Variants in NTM observed in about 807,000 individuals in gnomAD.
The protein encoded by NTM is neurotrimin, also known as IgLON family member 2.
In NTM, 13 loss-of-function variants were observed where a neutral mutation model predicts 42.1. The observed-to-expected ratio is 0.31, with a 90% CI of 0.20 to 0.49. The LOEUF is 0.49. NTM is among the 20% of genes least tolerant of loss of function. The pLI is 0.99. For missense variants in NTM, 373 were observed against 452.8 expected (o/e 0.82, Z 1.60); for synonymous variants, 187 against 179.2 (o/e 1.04, Z -0.35).
rs539085612 is a variant in NTM at position 131,839,767 on chromosome 11, G to A, written c.83-71797G>A. ...GGGTGTGAGCAAATGCAGTTGTTGG[G>A]AAAACAGTATGGAAACTGTTGTATG... On this transcript the variant is annotated intron_variant, in intron 1 of 8. Coordinates refer to ENST00000683400, the MANE Select transcript of NTM (RefSeq NM_001352005.2). Among the ~76,000 whole-genome samples, 3 of 152,358 alleles carry A rather than the reference G, an allele frequency of 2.0e-5. No homozygotes were observed. The East Asian group carries it at 5.8e-4, about 29-fold the overall frequency.
chr11:131,848,350 T>A (rs1197984632), intron 1 of NTM, among the ~76,000 whole-genome samples: 2 of 152,344 alleles, frequency 1.3e-5, no homozygotes, highest in East Asian at 3.9e-4. Flanking sequence ...TATTAGATAG[T>A]TGATCCCGTT....
intron 4 of NTM, among the ~76,000 whole-genome samples, chr11:132,239,948 C>T (rs954532390): frequency 6.6e-6 from 1 of 152,072 alleles, no homozygotes; most frequent in African/African-American, 2.4e-5. Flanking sequence ...TTTATCCATC[C>T]ATTCATCCAT....
At chr11:131,702,579 A>C (rs2076183908) in intron 1 of NTM, among the ~76,000 whole-genome samples, 1 of 152,200 alleles carries the variant, frequency 6.6e-6, no homozygotes, top group African/African-American at 2.4e-5. Flanking sequence ...ATGGGATGAA[A>C]CAGAGAGCAG....
chr11:132,325,299 A>G (rs1181037953), intron 7 of NTM, among the ~76,000 whole-genome samples: 11 of 150,908 alleles, frequency 7.3e-5, no homozygotes, highest in Non-Finnish European at 1.5e-4. Context: ...TCCAGAATCT[A>G]CAATGAACTC....
At chr11:131,976,203 C>G (rs2064358944) in intron 2 of NTM, among the ~76,000 whole-genome samples, 1 of 143,914 alleles carries the variant, frequency 6.9e-6, no homozygotes, top group African/African-American at 2.6e-5. Flanking sequence ...TTTAACTCAG[C>G]TTTCAATAAG....
chr11:131,391,644 GA>G lies in NTM; in HGVS notation c.82+20775del, dbSNP rs5795723. 2.3e-3 allele frequency among the ~76,000 whole-genome samples: 187 copies of G among 81,564 alleles called. 1 individual carries two copies. Among genetic ancestry groups the G allele is most frequent in the Middle Eastern group, 0.019 (2 of 104 alleles). 53.5% of individuals were successfully genotyped at this position (81,564 alleles called of 152,430 possible). ...AATCAGTCAAATGACTTTTATCTGG[GA>G]AAAAAAAAAAAAAAAAAAGAAAAGA... On this transcript the variant is annotated intron_variant, in intron 1 of 8. Coordinates refer to ENST00000683400, the MANE Select transcript of NTM (RefSeq NM_001352005.2).
intron 2 of NTM, among the ~76,000 whole-genome samples, chr11:131,977,803 G>A (rs1394704631): frequency 2.0e-5 from 3 of 152,140 alleles, no homozygotes; most frequent in Non-Finnish European, 2.9e-5. Flanking sequence ...GGAAAAAAAA[G>A]GGAAACAAGT....
intron 2 of NTM, among the ~76,000 whole-genome samples, chr11:132,018,467 T>C (rs1409999153): frequency 1.3e-5 from 2 of 150,726 alleles, no homozygotes; most frequent in Non-Finnish European, 2.9e-5. Context: ...TAAAAATGTT[T>C]TTCTTTGTCT....
intron 4 of NTM, among the ~76,000 whole-genome samples, chr11:132,248,269 T>C (rs563521222): frequency 3.1e-4 from 47 of 152,194 alleles, no homozygotes; most frequent in Admixed American, 1.8e-3. Context: ...TCTGATCCCC[T>C]GAACTTTCCC....
chr11:132,176,083 T>G (rs2076767581), intron 3 of NTM, among the ~76,000 whole-genome samples: 1 of 152,216 alleles, frequency 6.6e-6, no homozygotes, highest in Admixed American at 6.5e-5. Flanking sequence ...AATTAATCCA[T>G]GAAAGAATTC....
chr11:131,545,268 C>A (rs897698783), intron 1 of NTM, among the ~76,000 whole-genome samples: 1 of 151,898 alleles, frequency 6.6e-6, no homozygotes, highest in Non-Finnish European at 1.5e-5. Flanking sequence ...TGCATGATAC[C>A]TTTTCCCTCT....
intron 1 of NTM, among the ~76,000 whole-genome samples, chr11:131,606,431 A>C (rs1407177522): frequency 6.6e-6 from 1 of 152,230 alleles, no homozygotes; most frequent in Non-Finnish European, 1.5e-5. Flanking sequence ...TTGTTAAATA[A>C]CTGAATAAAT....
At chr11:131,908,462 T>C (rs1471231654) in intron 1 of NTM, among the ~76,000 whole-genome samples, 4 of 152,204 alleles carry the variant, frequency 2.6e-5, no homozygotes, top group Admixed American at 2.6e-4. Flanking sequence ...GAGCCAGGAT[T>C]AGCATTTATC....
chr11:131,515,194 C>A (rs891058345), intron 1 of NTM, among the ~76,000 whole-genome samples: 1 of 152,306 alleles, frequency 6.6e-6, no homozygotes, highest in Non-Finnish European at 1.5e-5. Context: ...GGATTATAGG[C>A]ATGAGCCACT....
intron 1 of NTM, among the ~76,000 whole-genome samples, chr11:131,613,580 A>G (rs2061642478): frequency 1.3e-5 from 2 of 152,132 alleles, no homozygotes; most frequent in South Asian, 4.2e-4. Flanking sequence ...CTATGACTCA[A>G]GTTCAACCGT....
chr11:131,934,262 T>C (rs1157458054), intron 2 of NTM, among the ~76,000 whole-genome samples: 1 of 152,204 alleles, frequency 6.6e-6, no homozygotes, highest in East Asian at 1.9e-4. Context: ...GAGAACGTTA[T>C]TCCCTAGAGC....
intron 2 of NTM, among the ~76,000 whole-genome samples, chr11:132,103,663 T>C (rs1242142983): frequency 1.3e-5 from 2 of 152,232 alleles, no homozygotes; most frequent in African/African-American, 4.8e-5. Flanking sequence ...TGCATGTAGA[T>C]ACTTAACCCT....
At chr11:131,633,346 G>A (rs1409251664) in intron 1 of NTM, among the ~76,000 whole-genome samples, 3 of 152,078 alleles carry the variant, frequency 2.0e-5, no homozygotes, top group African/African-American at 7.2e-5. Flanking sequence ...GGAACTTAAT[G>A]TCTTGTGTAC....
At chr11:131,474,736 T>C (rs1049776011) in intron 1 of NTM, among the ~76,000 whole-genome samples, 1 of 152,200 alleles carries the variant, frequency 6.6e-6, no homozygotes, top group African/African-American at 2.4e-5. Flanking sequence ...TCATTCCTGA[T>C]ATCACTCTCT....
Sources: allele counts gnomAD v4.1 joint callset (sites outside exome capture counted in the v4.1 genomes callset), GRCh38; gene constraint gnomAD v4.1.1; transcripts MANE v1.5; gene names NCBI Gene and HGNC (gene_info 2026-07-23, HGNC 2026-07-21).